ZFHX3: variants seen among roughly 807,000 people sequenced by gnomAD.
ZFHX3 encodes zinc finger homeobox 3.
A neutral mutation model predicts 279.1 loss-of-function variants in ZFHX3; 42 were observed. The observed-to-expected ratio is 0.15, with a 90% CI of 0.12 to 0.19. ZFHX3 has a LOEUF of 0.19. Ranked by LOEUF, ZFHX3 falls within the 10% of genes least tolerant of loss-of-function variation. The probability of loss-of-function intolerance (pLI) is 1.00; values close to 1 mark genes in which losing one functional copy is unlikely to be tolerated. For synonymous variants in ZFHX3, 2,293 were observed against 1,957.8 expected (o/e 1.17, Z -4.52); for missense variants, 4,981 against 4,754.0 (o/e 1.05, Z -1.40).
intron 3 of ZFHX3, among the ~76,000 whole-genome samples, chr16:73,345,893 G>T (rs1452930743): frequency 6.6e-6 from 1 of 152,108 alleles, no homozygotes; most frequent in Non-Finnish European, 1.5e-5. Flanking sequence ...GGCACAGATG[G>T]GTCCCTGACT....
chr16:73,323,943 C>T (rs999548301), intron 3 of ZFHX3, among the ~76,000 whole-genome samples: 6 of 152,208 alleles, frequency 3.9e-5, no homozygotes, highest in African/African-American at 1.2e-4. Flanking sequence ...GCTCTTCAAG[C>T]ATCAAAGAAA....
At chr16:73,779,440 TC>T (rs1959377416) in intron 1 of ZFHX3, among the ~76,000 whole-genome samples, 7 of 134,230 alleles carry the variant, frequency 5.2e-5, no homozygotes, top group African/African-American at 1.1e-4. Context: ...TATGGAATCA[TC>T]GAGAAGAAAA....
At chr16:72,861,271 G>A (rs1277199713) in intron 4 of ZFHX3, among the ~76,000 whole-genome samples, 1 of 152,140 alleles carries the variant, frequency 6.6e-6, no homozygotes, top group East Asian at 1.9e-4. Flanking sequence ...AAGATAAAAG[G>A]GTATGAGATC....
intron 3 of ZFHX3, among the ~76,000 whole-genome samples, chr16:73,399,338 A>G (rs926457210): frequency 6.6e-6 from 1 of 152,192 alleles, no homozygotes; most frequent in Admixed American, 6.5e-5. Context: ...CTTTCCTCTG[A>G]GGCATGGGTG....
At chr16:72,956,570 A>T (rs1264269522) in intron 2 of ZFHX3, among the ~76,000 whole-genome samples, 1 of 152,186 alleles carries the variant, frequency 6.6e-6, no homozygotes, top group Non-Finnish European at 1.5e-5. Context: ...GTCCTATTCT[A>T]GATATTGTAA....
intron 4 of ZFHX3, among the ~76,000 whole-genome samples, chr16:73,261,994 TA>T (rs2013841166): frequency 6.6e-6 from 1 of 152,178 alleles, no homozygotes; most frequent in African/African-American, 2.4e-5. Context: ...TTTTATGACT[TA>T]ACTTCTCCAT....
At chr16:73,205,239 G>A (rs1372946537) in intron 5 of ZFHX3, among the ~76,000 whole-genome samples, 2 of 152,120 alleles carry the variant, frequency 1.3e-5, no homozygotes, top group East Asian at 3.9e-4. Context: ...ATCTCACAGG[G>A]TTGTTACTAG....
intron 2 of ZFHX3, among the ~76,000 whole-genome samples, chr16:73,553,465 C>A (rs905810448): frequency 6.6e-6 from 1 of 152,172 alleles, no homozygotes; most frequent in Admixed American, 6.5e-5. Context: ...GATCTCCCTT[C>A]TCCATCTAAA....
At chr16:73,092,072 T>C (rs373170983) in intron 8 of ZFHX3, among the ~76,000 whole-genome samples, 3 of 152,228 alleles carry the variant, frequency 2.0e-5, no homozygotes, top group African/African-American at 7.2e-5. Context: ...GAAGATTTCT[T>C]ATAGACAGGC....
intron 2 of ZFHX3, among the ~76,000 whole-genome samples, chr16:73,621,464 G>A (rs1353168102): frequency 6.6e-6 from 1 of 152,150 alleles, no homozygotes; most frequent in Non-Finnish European, 1.5e-5. Flanking sequence ...CCATAGCAGA[G>A]GATGGATTTA....
chr16:72,936,334 T>C (rs771316563), intron 3 of ZFHX3, among the ~76,000 whole-genome samples: 3 of 152,236 alleles, frequency 2.0e-5, no homozygotes, highest in Non-Finnish European at 2.9e-5. Context: ...TCACACACTG[T>C]TCTAAGCATT....
At chr16:73,856,621 G>A (rs1206702392) in intron 1 of ZFHX3, among the ~76,000 whole-genome samples, 1 of 152,118 alleles carries the variant, frequency 6.6e-6, no homozygotes, top group Non-Finnish European at 1.5e-5. Flanking sequence ...ATTTCCAAAT[G>A]CCTGTAGCAT....
intron 2 of ZFHX3, chr16:73,558,312 G>T (rs995720123): frequency 1.3e-5 from 2 of 152,166 alleles, no homozygotes; most frequent in African/African-American, 4.8e-5. Flanking sequence ...AAAGAAAACA[G>T]ATCCCCTATA....
chr16:73,844,115 A>C (rs1200540978), intron 1 of ZFHX3, among the ~76,000 whole-genome samples: 2 of 152,224 alleles, frequency 1.3e-5, no homozygotes, highest in Non-Finnish European at 2.9e-5. Flanking sequence ...CTATACTTTC[A>C]AACAAGTGTT....
upstream of ZFHX3, among the ~76,000 whole-genome samples, chr16:73,063,532 G>C (rs538409728): frequency 2.0e-5 from 3 of 152,288 alleles, no homozygotes; most frequent in African/African-American, 7.2e-5. Flanking sequence ...ACTGTGCCCT[G>C]AGCCTCAACC....
intron 4 of ZFHX3, among the ~76,000 whole-genome samples, chr16:72,867,047 C>T (rs2038039994): frequency 6.6e-6 from 1 of 152,178 alleles, no homozygotes. Context: ...ATTAAGAGTG[C>T]ACCTCATTGG....
intron 1 of ZFHX3, among the ~76,000 whole-genome samples, chr16:73,821,550 T>G (rs28499530): frequency 6.6e-6 from 1 of 152,300 alleles, no homozygotes. Flanking sequence ...AGGACTGTTA[T>G]GACAACTTGA....
At chr16:73,853,305 C>CA (rs1335407847) in intron 1 of ZFHX3, among the ~76,000 whole-genome samples, 1 of 152,172 alleles carries the variant, frequency 6.6e-6, no homozygotes, top group Non-Finnish European at 1.5e-5. Context: ...TACCATTTGA[C>CA]TCAGCAATCC....
intron 3 of ZFHX3, among the ~76,000 whole-genome samples, chr16:72,914,735 T>C (rs1256668665): frequency 6.6e-6 from 1 of 152,186 alleles, no homozygotes; most frequent in Non-Finnish European, 1.5e-5. Flanking sequence ...CTCATGCCTA[T>C]AATCCCAGCA....
Sources: allele counts gnomAD v4.1 joint callset (sites outside exome capture counted in the v4.1 genomes callset), GRCh38; gene constraint gnomAD v4.1.1; transcripts MANE v1.5; gene names NCBI Gene and HGNC (gene_info 2026-07-23, HGNC 2026-07-21).